Variants in SNX9 observed in about 807,000 individuals in gnomAD.
SNX9 encodes sorting nexin 9, also known as sorting nexin-9.
In SNX9, 44 loss-of-function variants were observed where a neutral mutation model predicts 89.4. The ratio of observed to expected loss-of-function variants is 0.49; its 90% CI spans 0.39 to 0.63. The LOEUF (loss-of-function observed/expected upper bound fraction) is 0.63. Ranked by LOEUF, SNX9 falls within the 30% of genes least tolerant of loss-of-function variation. The probability of loss-of-function intolerance (pLI) is 0.00; values close to 1 mark genes in which losing one functional copy is unlikely to be tolerated. For synonymous variants in SNX9, 236 were observed against 247.8 expected, an observed-to-expected ratio of 0.95 and a Z score of 0.45; for missense variants, 578 against 736.1, an observed-to-expected ratio of 0.79 and a Z score of 2.49.
At chr6:157,882,789 T>C (rs1210356040) in intron 4 of SNX9, among the ~76,000 whole-genome samples, 1 of 152,224 alleles carries the variant, frequency 6.6e-6, no homozygotes, top group African/African-American at 2.4e-5. Flanking sequence ...TTGCTTCTTA[T>C]GGATGAGCAA....
chr6:157,854,725 C>A (rs987406119), intron 1 of SNX9, among the ~76,000 whole-genome samples: 7 of 152,078 alleles, frequency 4.6e-5, no homozygotes, highest in South Asian at 2.1e-4. Flanking sequence ...AATGAAAAGT[C>A]TAGGAATATG....
At chr6:157,906,340 A>G (rs1282281927) in intron 7 of SNX9, 128 bp downstream of exon 7, 10 of 669,488 alleles carry the variant, frequency 1.5e-5, no homozygotes, top group African/African-American at 9.4e-5. Context: ...CACATAACTG[A>G]TAATATATGT....
chr6:157,921,025 G>T (rs1161404798), intron 9 of SNX9, among the ~76,000 whole-genome samples: 1 of 152,172 alleles, frequency 6.6e-6, no homozygotes, highest in Non-Finnish European at 1.5e-5. Flanking sequence ...ATTTAAACTT[G>T]TATAGATGTA....
At chr6:157,870,276 GCT>G (rs1224569488) in intron 2 of SNX9, among the ~76,000 whole-genome samples, 3 of 123,324 alleles carry the variant, frequency 2.4e-5, no homozygotes, top group South Asian at 2.7e-4. Flanking sequence ...CCACGCTCAT[GCT>G]CTCACATATG....
In SNX9 at chr6:157,921,515, G is replaced by A. The variant is rs754711660; in HGVS notation, c.950-16G>A. 5.6e-6 allele frequency: 9 copies of A among 1,610,298 alleles called. No individual in the cohort carries two copies. The Admixed American group carries it at 1.3e-4, about 24-fold the overall frequency. On this transcript the variant is annotated splice_polypyrimidine_tract_variant and intron_variant, in intron 9 of 17. Coordinates refer to ENST00000392185, the MANE Select transcript of SNX9 (RefSeq NM_016224.5). The stretch of plus-strand genomic sequence containing the variant: ...TTAGACAAAGTTGTATGTCATTCTT[G>A]GTGTGTCGCTTGCAGGCCGCTTTGA...
chr6:157,823,363 T>C lies in SNX9; in HGVS notation c.-72T>C. 3 of 1,255,318 alleles carry C rather than the reference T, an allele frequency of 2.4e-6. No individual in the cohort carries two copies. Among genetic ancestry groups the C allele is most frequent in the East Asian group, 4.1e-5 (1 of 24,284 alleles). 77.8% of individuals were successfully genotyped at this position (1,255,318 alleles called of 1,614,324 possible). A position where few individuals can be genotyped will look rare whatever the true frequency, so the allele number is the denominator to read the frequency against. ...CGCCGCCCTCGCCCTTGCCTTTGCC[T>C]GCGCGGCTCAGAATCACCATCCGCG... is the stretch of plus-strand genomic sequence containing the variant. On this transcript the variant is annotated 5_prime_UTR_variant, in exon 1 of 18. Coordinates refer to ENST00000392185, the MANE Select transcript of SNX9 (RefSeq NM_016224.5). This position sits in a 1 kb window ranked among gnomAD's most constrained non-coding sequence, Gnocchi z 4.6.
At chr6:157,873,568 A>G (rs2115140812) in intron 3 of SNX9, among the ~76,000 whole-genome samples, 1 of 146,202 alleles carries the variant, frequency 6.8e-6, no homozygotes. Flanking sequence ...TTAAATATAT[A>G]TTTATATTTT....
intron 13 of SNX9, among the ~76,000 whole-genome samples, chr6:157,935,367 G>T (rs115378133): frequency 6.6e-6 from 1 of 152,194 alleles, no homozygotes; most frequent in Non-Finnish European, 1.5e-5. Flanking sequence ...AACTGGTGGT[G>T]TGTGACTCTG....
At chr6:157,861,980 A>G (rs375453820) in intron 1 of SNX9, among the ~76,000 whole-genome samples, 2 of 152,196 alleles carry the variant, frequency 1.3e-5, no homozygotes, top group Non-Finnish European at 2.9e-5. Flanking sequence ...GGCAGTGTCT[A>G]TGGTGTAGAG....
intron 16 of SNX9, among the ~76,000 whole-genome samples, chr6:157,939,145 A>G (rs1308632758): frequency 7.4e-6 from 1 of 135,398 alleles, no homozygotes; most frequent in Non-Finnish European, 1.7e-5. Flanking sequence ...TTGTGTCAAG[A>G]AAAAAAAAAG....
intron 1 of SNX9, among the ~76,000 whole-genome samples, chr6:157,826,972 AT>A (rs1214837178): frequency 7.0e-4 from 19 of 27,220 alleles, no homozygotes; most frequent in Admixed American, 1.7e-3. Context: ...TAATATATAC[AT>A]ATATATTATA....
chr6:157,940,780 G>C, intron 16 of SNX9, 103 bp from the exon 17 acceptor site: 1 of 1,026,226 alleles, frequency 9.7e-7, no homozygotes, highest in Middle Eastern at 2.6e-4. Flanking sequence ...CAGCCAACCA[G>C]ATTAGGTCAG....
At chr6:157,869,886 TGCACACACATGC>T (rs1358281871) in intron 2 of SNX9, among the ~76,000 whole-genome samples, 14 of 151,936 alleles carry the variant, frequency 9.2e-5, no homozygotes, top group Non-Finnish European at 2.1e-4. Context: ...TGCGTGCACA[TGCACACACATGC>T]GCACACACCT....
chr6:157,937,987 G>A (rs1476635932), intron 15 of SNX9, among the ~76,000 whole-genome samples: 3 of 152,342 alleles, frequency 2.0e-5, no homozygotes, highest in Admixed American at 6.5e-5. Context: ...GCTTGCTGTC[G>A]AAATGTATGC....
At chr6:157,927,583 T>A (rs1328487235) in intron 11 of SNX9, among the ~76,000 whole-genome samples, 1 of 152,180 alleles carries the variant, frequency 6.6e-6, no homozygotes, top group East Asian at 1.9e-4. Context: ...CTAACCTGCT[T>A]TTTCTGTATG....
chr6:157,927,311 C>G (rs1260328127), intron 11 of SNX9, 97 bp downstream of exon 11: 2 of 760,248 alleles, frequency 2.6e-6, no homozygotes, highest in African/African-American at 1.7e-5. Flanking sequence ...AAACTCAAAT[C>G]AGACTAGACT....
intron 1 of SNX9, among the ~76,000 whole-genome samples, chr6:157,825,720 CCTTT>C (rs1000676312): frequency 6.6e-6 from 1 of 152,214 alleles, no homozygotes; most frequent in African/African-American, 2.4e-5. Flanking sequence ...GAAGACCCTT[CCTTT>C]GTTTTCTGAC....
At chr6:157,927,042 T>C (rs1186134798) in intron 10 of SNX9, 69 bp from the exon 11 acceptor site, 1 of 1,191,366 alleles carries the variant, frequency 8.4e-7, no homozygotes, top group Non-Finnish European at 1.3e-6. Flanking sequence ...GAGCTGGTCC[T>C]GTTTGGGAAT....
At chr6:157,939,913 G>A (rs562100302) in intron 16 of SNX9, among the ~76,000 whole-genome samples, 2 of 152,246 alleles carry the variant, frequency 1.3e-5, no homozygotes, top group South Asian at 4.1e-4. Flanking sequence ...AGGCATCCGA[G>A]GGAGGCAATG....
Sources: gnomAD v4.1 joint callset for allele counts (sites outside exome capture counted in the v4.1 genomes callset) on GRCh38, gnomAD v4.1.1 for gene constraint, Gnocchi (gnomAD v3.1) non-coding constraint, MANE v1.5 for transcripts, NCBI Gene and HGNC (gene_info 2026-07-23, HGNC 2026-07-21) for gene names.